The following AP1G1 variants were observed in gnomAD, a reference collection of about 807,000 sequenced individuals.
The protein encoded by AP1G1 is AP-1 complex subunit gamma-1.
AP1G1 carries 7 observed loss-of-function variants against 108.3 expected under a neutral mutation model. The ratio of observed to expected loss-of-function variants is 0.06; its 90% CI spans 0.04 to 0.12. The LOEUF (loss-of-function observed/expected upper bound fraction) is 0.12. Among genes scored for constraint, AP1G1 ranks in the 10% least tolerant of loss-of-function variants. The probability of loss-of-function intolerance (pLI) is 1.00; values close to 1 mark genes in which losing one functional copy is unlikely to be tolerated. For missense variants in AP1G1, 756 were observed against 1,010.7 expected (o/e 0.75, Z 3.42); for synonymous variants, 379 against 353.5 (o/e 1.07, Z -0.81).
chr16:71,803,035 C>G (rs756862692), intron 1 of AP1G1, among the ~76,000 whole-genome samples: 17 of 151,974 alleles, frequency 1.1e-4, no homozygotes, highest in Admixed American at 4.6e-4. Context: ...GCCAACGTGA[C>G]AAAACCCCGT....
At chr16:71,782,491 T>TTTTTA (rs2032060709) in intron 2 of AP1G1, among the ~76,000 whole-genome samples, 2 of 126,146 alleles carry the variant, frequency 1.6e-5, no homozygotes, top group South Asian at 6.5e-4. Flanking sequence ...TATTATTATT[T>TTTTTA]TTATTATTAT....
chr16:71,792,154 T>G (rs1301517626), intron 1 of AP1G1, among the ~76,000 whole-genome samples: 1 of 151,980 alleles, frequency 6.6e-6, no homozygotes, highest in South Asian at 2.1e-4. Context: ...ACGTGAACTA[T>G]GGGGGATGGA....
chr16:71,746,525 T>C (rs2030191722), intron 17 of AP1G1, 63 bp downstream of exon 17: 3 of 1,031,410 alleles, frequency 2.9e-6, no homozygotes, highest in Admixed American at 4.2e-5. Flanking sequence ...TCTTTATGGA[T>C]TACCATGACA....
chr16:71,792,185 T>A (rs538044695), intron 1 of AP1G1, among the ~76,000 whole-genome samples: 2 of 152,270 alleles, frequency 1.3e-5, no homozygotes, highest in South Asian at 4.1e-4. Context: ...AAGGTTCTAT[T>A]AATCTGAACC....
Position 71,808,822 on chromosome 16 carries a change from G to A in AP1G1, c.-63C>T, listed in dbSNP as rs1026858984. 4 of 1,289,580 alleles carry A rather than the reference G, an allele frequency of 3.1e-6. No homozygotes were observed. The highest frequency in any genetic ancestry group is 1.5e-5 in the African/African-American group (1 of 65,874). The allele number at this position is 1,289,580 out of a possible 1,614,324, so 79.9% of individuals were successfully genotyped here. On this transcript the variant is annotated 5_prime_UTR_variant, in exon 1 of 23. Coordinates refer to ENST00000299980, the MANE Select transcript of AP1G1 (RefSeq NM_001128.6). The stretch of plus-strand genomic sequence containing the variant: ...GGGGCGGCGGCAGCAGTGGCAGCAG[G>A]AACCGAACATCCAAAATGGCGGCTC...
At chr16:71,806,646 A>C (rs2033007126) in intron 1 of AP1G1, 2 of 1,241,306 alleles carry the variant, frequency 1.6e-6, no homozygotes, top group Non-Finnish European at 2.1e-6. Context: ...TCTAAGTCAG[A>C]AATGGAACAT....
chr16:71,762,055 T>C (rs888721686), intron 9 of AP1G1, among the ~76,000 whole-genome samples: 6 of 152,004 alleles, frequency 3.9e-5, no homozygotes, highest in African/African-American at 9.7e-5. Context: ...ACTGTACATA[T>C]AGACAAAAGT....
intron 2 of AP1G1, among the ~76,000 whole-genome samples, chr16:71,781,689 C>G (rs1485543400): frequency 6.6e-6 from 1 of 152,226 alleles, no homozygotes; most frequent in Non-Finnish European, 1.5e-5. Flanking sequence ...TCATAACTCA[C>G]TGCTACATAG....
At chr16:71,772,626 C>T (rs906430639) in intron 4 of AP1G1, among the ~76,000 whole-genome samples, 1 of 152,174 alleles carries the variant, frequency 6.6e-6, no homozygotes, top group South Asian at 2.1e-4. Flanking sequence ...CTTTCCCAAA[C>T]CATTAATAGA....
At chr16:71,766,856 A>G (rs2031339430) in intron 6 of AP1G1, among the ~76,000 whole-genome samples, 1 of 152,250 alleles carries the variant, frequency 6.6e-6, no homozygotes, top group South Asian at 2.1e-4. Context: ...TAAGTCACCT[A>G]AACAAAAGTC....
At chr16:71,747,311 T>C (rs1460594533) in intron 16 of AP1G1, 1 of 152,240 alleles carries the variant, frequency 6.6e-6, no homozygotes, top group Non-Finnish European at 1.5e-5. Context: ...CATGATTTTA[T>C]TCCTATTAAG....
chr16:71,799,512 A>C (rs947210830), intron 1 of AP1G1, among the ~76,000 whole-genome samples: 5 of 152,232 alleles, frequency 3.3e-5, no homozygotes, highest in African/African-American at 9.6e-5. Flanking sequence ...TCACACCTGT[A>C]ATCTCAGCAC....
rs55761928 is a variant in AP1G1, at chr16:71,794,835, CTTTTTTTTTTT to C, written c.-3-5364_-3-5354del. Among the ~76,000 whole-genome samples, 66 of 39,658 alleles carry C rather than the reference CTTTTTTTTTTT, an allele frequency of 1.7e-3. 3 individuals are homozygous for C. The highest frequency in any genetic ancestry group is 4.2e-3 in the South Asian group (3 of 716). The allele number at this position is 39,658 out of a possible 152,430, so 26.0% of individuals were successfully genotyped here. On this transcript the variant is annotated intron_variant, in intron 1 of 22. Transcript: ENST00000299980. Reference sequence around the variant, plus strand: ...TACCATTCTCAGGCCATGAGAAGTGCTTTTTTTTTTTTTTTTTTTTTTTTTTTTTACTTTGA... The same window carrying C: ...TACCATTCTCAGGCCATGAGAAGTGCTTTTTTTTTTTTTTTTTTACTTTGA...
chr16:71,804,479 G>C (rs2032928083), intron 1 of AP1G1, among the ~76,000 whole-genome samples: 1 of 148,212 alleles, frequency 6.7e-6, no homozygotes, highest in Non-Finnish European at 1.5e-5. Flanking sequence ...CGTGATCTCA[G>C]CTCACTGCAA....
At chr16:71,768,584 G>C (rs2031420362) in intron 6 of AP1G1, among the ~76,000 whole-genome samples, 2 of 150,414 alleles carry the variant, frequency 1.3e-5, no homozygotes, top group South Asian at 4.2e-4. Context: ...GAACAGTAGA[G>C]TAAAAGTAAT....
intron 22 of AP1G1, among the ~76,000 whole-genome samples, chr16:71,733,778 T>A (rs2045499378): frequency 6.6e-6 from 1 of 152,218 alleles, no homozygotes; most frequent in Admixed American, 6.5e-5. Context: ...TCAGATACAC[T>A]GTTGCTTTAT....
chr16:71,785,131 T>TA (rs1398304865), intron 2 of AP1G1, among the ~76,000 whole-genome samples: 1 of 151,836 alleles, frequency 6.6e-6, no homozygotes, highest in Admixed American at 6.6e-5. Flanking sequence ...ACTTTACACT[T>TA]ACAGCACATC....
chr16:71,772,417 C>A (rs2031612117), intron 4 of AP1G1, among the ~76,000 whole-genome samples: 1 of 152,220 alleles, frequency 6.6e-6, no homozygotes, highest in South Asian at 2.1e-4. Context: ...GCATGAGCCA[C>A]CATGCCCAGC....
At chr16:71,754,020 C>T in intron 12 of AP1G1, 133 bp from the exon 13 acceptor site, 1 of 795,508 alleles carries the variant, frequency 1.3e-6, no homozygotes, top group East Asian at 2.5e-5. Context: ...TGGGAGATCA[C>T]CTGAGCTCAG....
Sources: gnomAD v4.1 joint callset for allele counts (sites outside exome capture counted in the v4.1 genomes callset) on GRCh38, gnomAD v4.1.1 for gene constraint, MANE v1.5 for transcripts, NCBI Gene and HGNC (gene_info 2026-07-23, HGNC 2026-07-21) for gene names.